The following ZNF219 variants were observed in gnomAD, a reference collection of about 807,000 sequenced individuals.
ZNF219 encodes the protein zinc finger protein 219.
Under a neutral mutation model 54.4 loss-of-function variants are expected in ZNF219, and 17 were observed. That is an observed-to-expected ratio of 0.31 (90% confidence interval 0.21 to 0.47). The LOEUF is 0.47. Among genes scored for constraint, ZNF219 ranks in the 20% least tolerant of loss-of-function variants. ZNF219 has a pLI of 1.00. For missense variants in ZNF219, 1,014 were observed against 1,062.3 expected (o/e 0.95, Z 0.63); for synonymous variants, 518 against 476.4 (o/e 1.09, Z -1.14).
At chr14:21,097,643 AG>A (rs1047667982) in intron 1 of ZNF219, among the ~76,000 whole-genome samples, 3 of 152,066 alleles carry the variant, frequency 2.0e-5, no homozygotes, top group Non-Finnish European at 2.9e-5. Flanking sequence ...ACCCCTCCCC[AG>A]GAAGATAAGC....
rs777433582 is a variant in ZNF219 at position 21,093,180 on chromosome 14, C to A, written c.117G>T (p.Ser39=). The A allele has an allele frequency of 1.2e-6, 2 of 1,609,090 alleles. No homozygotes were observed. The highest frequency in any genetic ancestry group is 1.7e-6 in the Non-Finnish European group (2 of 1,179,316). ...YSNGPAVSAG[S]LGMGAVSWSE... is the part of the protein sequence containing the mutation. ...ACCAGCTCACCGCTCCCATCCCGAG[C>A]GACCCTGCGCTCACGGCTGGCCCGT... is the stretch of plus-strand genomic sequence containing the variant. The change falls in exon 3 of 5, where the codon TCG becomes TCT. Residue 39 remains serine (S), a synonymous_variant. Transcript: ENST00000360947.
chr14:21,092,668 G>A lies in ZNF219; in HGVS notation c.629C>T (p.Thr210Met). Residue 210 changes from threonine (T) to methionine (M), a missense_variant, in exon 3 of 5, where the codon ACG becomes ATG. Thr to Met is a moderately conservative substitution (Grantham distance 81). This residue lies in a region of ZNF219 where 395 missense variants were observed against 415.1 expected (regional missense o/e 0.95). Coordinates refer to ENST00000360947, the MANE Select transcript of ZNF219 (RefSeq NM_016423.3). ...GGGACGCTCGGGAGCCCCGTGGGCC[G>A]TCAGGCTGTGGTGCAGCAGCTCCTC... is the stretch of plus-strand genomic sequence containing the variant. Reference protein sequence around the residue: ...QEEELLHHSLTAHGAPERPLA... With the variant: ...QEEELLHHSLMAHGAPERPLA... 1.3e-6 allele frequency: 2 copies of A among 1,572,318 alleles called. No homozygotes were observed.
At chr14:21,096,248 A>G (rs534843836) in intron 1 of ZNF219, among the ~76,000 whole-genome samples, 78 of 152,366 alleles carry the variant, frequency 5.1e-4, no homozygotes, top group African/African-American at 1.8e-3. Flanking sequence ...CACTTTGCAC[A>G]TAGCAGTTTC....
chr14:21,091,282 G>A (rs1888847963), intron 4 of ZNF219, 129 bp downstream of exon 4: 8 of 1,508,606 alleles, frequency 5.3e-6, no homozygotes, highest in East Asian at 2.3e-5. Flanking sequence ...ATAAAGGAGC[G>A]TTTCCCAAGT....
chr14:21,090,995 C>A lies in ZNF219; in HGVS notation c.1710G>T (p.Arg570=). 3 of 1,551,310 alleles carry A rather than the reference C, an allele frequency of 1.9e-6. No individual in the cohort carries two copies. In the Admixed American group the frequency reaches 5.7e-5, roughly 30 times the overall value. The change falls in exon 5 of 5, where the codon CGG becomes CGT. Residue 570 remains arginine, a synonymous_variant. Coordinates refer to ENST00000360947, the MANE Select transcript of ZNF219 (RefSeq NM_016423.3). The surrounding 1 kb of genome is among the most constrained non-coding windows in gnomAD (Gnocchi z 4.4). The part of the protein sequence containing the change: ...PPPEPPPPSQ[R]GSAPQSGAKP... ...TGGCTCCAGATTGCGGGGCCGAACCCCGCTGGGAAGGAGGCGGTGGCTCCG... is the reference window on the plus strand; with the variant it reads ...TGGCTCCAGATTGCGGGGCCGAACCACGCTGGGAAGGAGGCGGTGGCTCCG...
chr14:21,100,368 A>ATAT (rs1343516176), upstream of ZNF219, among the ~76,000 whole-genome samples: 2 of 104,622 alleles, frequency 1.9e-5, no homozygotes, highest in African/African-American at 2.7e-5. Flanking sequence ...TGTCTCAATA[A>ATAT]TATAATAATA....
chr14:21,091,161 AGGGTCACG>A, intron 4 of ZNF219, 21 bp from the exon 5 acceptor site: 1 of 1,593,334 alleles, frequency 6.3e-7, no homozygotes, highest in Non-Finnish European at 8.5e-7. Flanking sequence ...TGGGTGCGAT[AGGGTCACG>A]GGGTCACGAT....
In ZNF219 at chr14:21,091,903, G is replaced by T; in HGVS notation, c.1394C>A (p.Ser465Tyr). 6.3e-7 allele frequency: 1 copy of T among 1,589,062 alleles called. No homozygotes were observed. ...RPGEGPGHSA[S>Y]AAGAQARSTA... Reference sequence around the variant, plus strand: ...CGATCTTGCCTGGGCCCCAGCAGCAGAGGCAGAGTGCCCCGGTCCCTCACC... The same window carrying T: ...CGATCTTGCCTGGGCCCCAGCAGCATAGGCAGAGTGCCCCGGTCCCTCACC... The change falls in exon 3 of 5, where the codon TCT becomes TAT. Residue 465 changes from serine to tyrosine, a missense_variant. By Grantham distance (144) the Ser-to-Tyr change is moderately radical. Coordinates refer to ENST00000360947, the MANE Select transcript of ZNF219 (RefSeq NM_016423.3).
exon 1 of ZNF219, chr14:21,104,615 C>A (rs1889838125): frequency 6.6e-6 from 1 of 152,270 alleles, no homozygotes; most frequent in Admixed American, 6.5e-5. Flanking sequence ...CCCGGCCTAG[C>A]CAGGGCCAGG....
rs368131335 is a variant in ZNF219, at chr14:21,092,718, C to T, written c.579G>A (p.Leu193=). ...CCTCCTGGCTGGAGCCGAAACTGCACAGGCCGCACTTCCAGGGCCTATGCA... is the reference window on the plus strand; with the variant it reads ...CCTCCTGGCTGGAGCCGAAACTGCATAGGCCGCACTTCCAGGGCCTATGCA... The part of the protein sequence containing the change: ...HILHRPWKCG[L]CSFGSSQEEE... Residue 193 remains leucine, a synonymous_variant, in exon 3 of 5, where the codon CTG becomes CTA. Transcript: ENST00000360947. The T allele has an allele frequency of 1.9e-6, 3 of 1,585,552 alleles. No individual in the cohort carries two copies. The highest frequency in any genetic ancestry group is 4.6e-5 in the East Asian group (2 of 43,922).
At chr14:21,101,074 C>G, upstream of ZNF219, 1 of 334,878 alleles carries the variant, frequency 3.0e-6, no homozygotes, top group Non-Finnish European at 5.7e-6. Context: ...CCATCCCTGA[C>G]AGCCTTCCTC....
upstream of ZNF219, among the ~76,000 whole-genome samples, chr14:21,100,571 G>A (rs1040170940): frequency 6.6e-6 from 1 of 151,938 alleles, no homozygotes; most frequent in Non-Finnish European, 1.5e-5. Flanking sequence ...TCCAGTTGCA[G>A]GTTATCATTG....
At position 21,090,590 on chromosome 14, in the gene ZNF219, C is replaced by T. The variant is rs766465780; in HGVS notation, c.2115G>A (p.Glu705=). The T allele has an allele frequency of 6.2e-7, 1 of 1,610,034 alleles. No homozygotes were observed. Among genetic ancestry groups the T allele is most frequent in the Non-Finnish European group, 8.5e-7 (1 of 1,178,088 alleles). The part of the protein sequence containing the change: ...TPPSPSQEGE[E]GSGLSRPGEA... ...CTCCGGGTCTGGACAGCCCGGAGCC[C>T]TCCTCCCCTTCCTGCGAAGGACTGG... Residue 705 remains glutamate, a synonymous_variant, in exon 5 of 5, where the codon GAG becomes GAA. Coordinates refer to ENST00000360947, the MANE Select transcript of ZNF219 (RefSeq NM_016423.3). The surrounding 1 kb of genome is among the most constrained non-coding windows in gnomAD (Gnocchi z 4.4).
chr14:21,097,557 C>T (rs1391529947), intron 1 of ZNF219: 2 of 152,148 alleles, frequency 1.3e-5, no homozygotes, highest in Non-Finnish European at 2.9e-5. Flanking sequence ...TGGGAAAATC[C>T]CCCTCCCAGA....
chr14:21,101,756 C>T, upstream of ZNF219: 6 of 865,506 alleles, frequency 6.9e-6, no homozygotes, highest in South Asian at 8.7e-5. Context: ...TGACTGCTTT[C>T]CTCCACCCTG....
upstream of ZNF219, chr14:21,101,742 G>A: frequency 2.6e-6 from 2 of 764,824 alleles, no homozygotes; most frequent in Non-Finnish European, 4.2e-6. Context: ...TCCTTGCTCT[G>A]GGTTGACTGC....
chr14:21,093,104 G>T lies in ZNF219; in HGVS notation c.193C>A (p.Arg65Ser), dbSNP rs1353496901. 5.6e-6 allele frequency: 9 copies of T among 1,608,262 alleles called. No homozygotes were observed. Among genetic ancestry groups the T allele is most frequent in the Non-Finnish European group, 6.8e-6 (8 of 1,178,602 alleles). ...GCAAGGATAGAGTTGAAGCGGAAGC[G>T]CTTCCCGCATACAGGGCAGGGGAAG... ...RRFPCPVCGK[R>S]FRFNSILALH... Residue 65 changes from arginine (R) to serine (S), a missense_variant, in exon 3 of 5, where the codon CGC (arginine) becomes AGC (serine). By Grantham distance (110) the Arg-to-Ser change is moderately radical (BLOSUM62 -1). Around this residue, in one of 5 missense-constraint regions of ZNF219, gnomAD observed 395 missense variants for 415.1 expected, o/e 0.95. Coordinates refer to ENST00000360947, the MANE Select transcript of ZNF219 (RefSeq NM_016423.3).
intron 1 of ZNF219, chr14:21,094,530 T>C: frequency 2.4e-6 from 1 of 411,148 alleles, no homozygotes; most frequent in Non-Finnish European, 4.8e-6. Context: ...AGAGGAGGAT[T>C]ACACTGGCTC....
chr14:21,092,976 G>A lies in ZNF219; in HGVS notation c.321C>T (p.His107=), dbSNP rs752888776. The part of the protein sequence containing the change: ...RALLRSHLRT[H]QPERPRSPAA... ...CAGGACTACGTGGGCGCTCGGGCTG[G>A]TGTGTGCGCAGGTGCGAGCGCAGCA... The change falls in exon 3 of 5, where the codon CAC becomes CAT. Residue 107 remains histidine (H), a synonymous_variant. Transcript: ENST00000360947. 3.1e-6 allele frequency: 5 copies of A among 1,594,480 alleles called. No homozygotes were observed. The South Asian group carries it at 3.3e-5, about 11-fold the overall frequency.
Sources: gnomAD v4.1 joint callset for allele counts (sites outside exome capture counted in the v4.1 genomes callset) on GRCh38, gnomAD v4.1.1 for gene constraint, gnomAD v4.1.1 regional missense constraint, Gnocchi (gnomAD v3.1) non-coding constraint, MANE v1.5 for transcripts, NCBI Gene and HGNC (gene_info 2026-07-23, HGNC 2026-07-21) for gene names.